Variants in HDAC4 observed in about 807,000 individuals in gnomAD.
HDAC4 encodes histone deacetylase 4, also known as histone deacetylase A.
Under a neutral mutation model 135.1 loss-of-function variants are expected in HDAC4, and 16 were observed. The ratio of observed to expected loss-of-function variants is 0.12; its 90% CI spans 0.08 to 0.18. HDAC4 has a LOEUF of 0.18. HDAC4 is among the 10% of genes least tolerant of loss of function. The pLI is 1.00. For missense variants in HDAC4, 1,143 were observed against 1,511.8 expected (o/e 0.76, Z 4.05); for synonymous variants, 685 against 653.4 (o/e 1.05, Z -0.74).
intron 3 of HDAC4, among the ~76,000 whole-genome samples, chr2:239,217,687 C>T (rs897079068): frequency 3.3e-5 from 5 of 152,120 alleles, no homozygotes; most frequent in African/African-American, 1.2e-4. Flanking sequence ...GAGAGCACGG[C>T]CTTCCAAATC....
In HDAC4 at chr2:239,050,139, T is replaced by C. The variant is rs2030614859; in HGVS notation, c.*2958A>G. The C allele has an allele frequency of 1.3e-5, 2 of 152,572 alleles. 1 individual carries two copies. Among genetic ancestry groups the C allele is most frequent in the Non-Finnish European group, 2.9e-5 (2 of 68,052 alleles). 9.5% of individuals were successfully genotyped at this position (152,572 alleles called of 1,614,324 possible). A position where few individuals can be genotyped will look rare whatever the true frequency, so the allele number is the denominator to read the frequency against. ...CTTCAAAGAAAAGGCTACACAGTAATGCTCTCAGCACATTTGTGAAGCTGG... is the reference window on the plus strand; with the variant it reads ...CTTCAAAGAAAAGGCTACACAGTAACGCTCTCAGCACATTTGTGAAGCTGG... On this transcript the variant is annotated 3_prime_UTR_variant, in exon 27 of 27. Transcript: ENST00000543185.
At chr2:239,274,677 G>A (rs1232766587) in intron 2 of HDAC4, among the ~76,000 whole-genome samples, 2 of 152,216 alleles carry the variant, frequency 1.3e-5, no homozygotes, top group African/African-American at 4.8e-5. Context: ...TTCCCAGATG[G>A]CCCTCCACGG....
At chr2:239,071,764 C>T (rs145429581) in intron 22 of HDAC4, among the ~76,000 whole-genome samples, 9 of 152,282 alleles carry the variant, frequency 5.9e-5, no homozygotes, top group South Asian at 2.1e-4. Flanking sequence ...CTGCTCCTGT[C>T]GGCAGCTGAT....
intron 3 of HDAC4, among the ~76,000 whole-genome samples, chr2:239,210,144 TA>T (rs1450928596): frequency 3.2e-4 from 48 of 152,100 alleles, no homozygotes; most frequent in Middle Eastern, 3.2e-3. Flanking sequence ...AGGAGAATGG[TA>T]CAAGGATATT....
chr2:239,305,048 C>A (rs1020647546), intron 2 of HDAC4, among the ~76,000 whole-genome samples: 15 of 152,160 alleles, frequency 9.9e-5, no homozygotes, highest in Non-Finnish European at 1.3e-4. Flanking sequence ...GCCTGTACTG[C>A]AGGCTCTGTG....
chr2:239,271,192 C>A (rs1449977224), intron 2 of HDAC4, among the ~76,000 whole-genome samples: 1 of 152,184 alleles, frequency 6.6e-6, no homozygotes, highest in Non-Finnish European at 1.5e-5. Context: ...CGGCTCACTG[C>A]AGCCTCGACT....
rs369171494 is a variant in HDAC4, at chr2:239,050,711, G to C, written c.*2386C>G. On this transcript the variant is annotated 3_prime_UTR_variant, in exon 27 of 27. Transcript: ENST00000543185. ...TCGGCTCTGGGTCCCTCCTGAGCAC[G>C]GTGTGTCTGAACTTCTGCCCCCAAG... 1 of 152,562 alleles carries C rather than the reference G, an allele frequency of 6.6e-6. No individual in the cohort carries two copies. Among genetic ancestry groups the C allele is most frequent in the Non-Finnish European group, 1.5e-5 (1 of 68,022 alleles). The allele number at this position is 152,562 out of a possible 1,614,324, so 9.5% of individuals were successfully genotyped here. A position where few individuals can be genotyped will look rare whatever the true frequency, so the allele number is the denominator to read the frequency against.
chr2:239,282,821 T>G (rs1001406347), intron 2 of HDAC4, among the ~76,000 whole-genome samples: 2 of 147,100 alleles, frequency 1.4e-5, no homozygotes, highest in Non-Finnish European at 3.0e-5. Flanking sequence ...CTACACACAA[T>G]GTACACACCA....
chr2:239,106,519 C>T (rs1006519438), intron 15 of HDAC4, among the ~76,000 whole-genome samples: 8 of 152,078 alleles, frequency 5.3e-5, no homozygotes, highest in East Asian at 3.9e-4. Context: ...GTGGCACAGC[C>T]GTCCTGACCA....
At chr2:239,064,382 C>T (rs1051805138) in intron 24 of HDAC4, among the ~76,000 whole-genome samples, 1 of 152,236 alleles carries the variant, frequency 6.6e-6, no homozygotes, top group Non-Finnish European at 1.5e-5. Context: ...GCTGCTCCCA[C>T]TTCTGGCGCA....
chr2:239,371,043 C>T (rs1036750667), intron 1 of HDAC4, among the ~76,000 whole-genome samples: 1 of 152,218 alleles, frequency 6.6e-6, no homozygotes, highest in African/African-American at 2.4e-5. Context: ...GAGTCAGTCA[C>T]TCCTCAGCTC....
At position 239,190,174 on chromosome 2, in the gene HDAC4, C is replaced by T. The variant is rs930587015; in HGVS notation, c.95-97G>A. On this transcript the variant is annotated intron_variant, in intron 3 of 26. Coordinates refer to ENST00000543185, the MANE Select transcript of HDAC4 (RefSeq NM_001378414.1). ...CAACACACTGGCCACCTTCACGGGGCGGGGGGGGGGTTGTGACCATTTGAG... is the reference window on the plus strand; with the variant it reads ...CAACACACTGGCCACCTTCACGGGGTGGGGGGGGGGTTGTGACCATTTGAG... The T allele has an allele frequency of 1.4e-3, 1,537 of 1,071,032 alleles. 7 individuals carry two copies. Among genetic ancestry groups the T allele is most frequent in the South Asian group, 3.5e-3 (202 of 56,984 alleles). The allele number at this position is 1,071,032 out of a possible 1,614,324, so 66.3% of individuals were successfully genotyped here.
chr2:239,087,699 A>G (rs2036114218), intron 18 of HDAC4, 85 bp from the exon 19 acceptor site: 8 of 1,291,184 alleles, frequency 6.2e-6, no homozygotes, highest in Non-Finnish European at 8.9e-6. Flanking sequence ...CTCAACTTTT[A>G]GCAGAGTTGG....
intron 3 of HDAC4, among the ~76,000 whole-genome samples, chr2:239,198,440 G>A (rs2045544572): frequency 6.6e-6 from 1 of 152,162 alleles, no homozygotes; most frequent in African/African-American, 2.4e-5. Flanking sequence ...TGAGAGCTGG[G>A]CCTTCAGTGT....
intron 12 of HDAC4, among the ~76,000 whole-genome samples, chr2:239,119,763 C>T (rs933584107): frequency 6.6e-6 from 1 of 152,180 alleles, no homozygotes; most frequent in Admixed American, 6.5e-5. Flanking sequence ...GCAGGAGAGG[C>T]TGCGGGTCTC....
chr2:239,346,774 C>A (rs1692714763), intron 2 of HDAC4, among the ~76,000 whole-genome samples: 1 of 142,148 alleles, frequency 7.0e-6, no homozygotes, highest in South Asian at 2.3e-4. Context: ...AACACACACC[C>A]TAACACATAC....
chr2:239,216,927 A>C (rs2046674308), intron 3 of HDAC4, among the ~76,000 whole-genome samples: 1 of 152,256 alleles, frequency 6.6e-6, no homozygotes, highest in African/African-American at 2.4e-5. Context: ...TAAATGACAC[A>C]GTCCCTGGTT....
intron 2 of HDAC4, among the ~76,000 whole-genome samples, chr2:239,258,271 C>T (rs563618217): frequency 8.6e-5 from 13 of 151,814 alleles, no homozygotes; most frequent in South Asian, 2.1e-4. Flanking sequence ...CAGAAGGCAC[C>T]GAGACAGAAT....
chr2:239,171,063 C>T (rs1230277572), intron 5 of HDAC4, among the ~76,000 whole-genome samples: 1 of 151,760 alleles, frequency 6.6e-6, no homozygotes, highest in Non-Finnish European at 1.5e-5. Flanking sequence ...AAACAAAGTC[C>T]ACTCGAAAAG....
Sources: allele counts gnomAD v4.1 joint callset (sites outside exome capture counted in the v4.1 genomes callset), GRCh38; gene constraint gnomAD v4.1.1; transcripts MANE v1.5; gene names NCBI Gene and HGNC (gene_info 2026-07-23, HGNC 2026-07-21).